KLHL20: variants seen among roughly 807,000 people sequenced by gnomAD.
KLHL20 encodes kelch-like protein 20.
KLHL20 carries 29 observed loss-of-function variants against 69.5 expected under a neutral mutation model. That is an observed-to-expected ratio of 0.42 (90% confidence interval 0.31 to 0.57). The LOEUF (loss-of-function observed/expected upper bound fraction) is 0.57. Ranked by LOEUF, KLHL20 falls within the 20% of genes least tolerant of loss-of-function variation. KLHL20 has a pLI of 0.18. For synonymous variants in KLHL20, 253 were observed against 265.2 expected (o/e 0.95, Z 0.45); for missense variants, 419 against 776.0 (o/e 0.54, Z 5.47).
intron 8 of KLHL20, among the ~76,000 whole-genome samples, chr1:173,766,875 GCTAA>G (rs1056910781): frequency 1.3e-4 from 20 of 152,232 alleles, no homozygotes; most frequent in African/African-American, 4.1e-4. Context: ...GCTAAATCAA[GCTAA>G]CTAACATATT....
chr1:173,751,744 TC>T lies in KLHL20; in HGVS notation c.598-19del, dbSNP rs1558203476. ...ATGTGATCACAGGATTTTTTTTTCT[TC>T]TTACCTAACTTTGAACAGGTAATGG... On this transcript the variant is annotated intron_variant, in intron 3 of 11. Transcript: ENST00000209884. The T allele has an allele frequency of 6.2e-7, 1 of 1,611,458 alleles. No individual in the cohort carries two copies. The highest frequency in any genetic ancestry group is 8.5e-7 in the Non-Finnish European group (1 of 1,178,264).
chr1:173,722,790 A>G (rs1671773947), intron 2 of KLHL20, among the ~76,000 whole-genome samples: 1 of 151,636 alleles, frequency 6.6e-6, no homozygotes, highest in African/African-American at 2.4e-5. Flanking sequence ...CCCAGGTTCA[A>G]GCAATTCTCC....
chr1:173,728,635 T>A (rs1007681004), intron 2 of KLHL20, among the ~76,000 whole-genome samples: 1 of 152,206 alleles, frequency 6.6e-6, no homozygotes, highest in Non-Finnish European at 1.5e-5. Flanking sequence ...AACCTGCTCC[T>A]GAATGACTAC....
chr1:173,723,549 C>T (rs920493680), intron 2 of KLHL20, among the ~76,000 whole-genome samples: 1 of 152,212 alleles, frequency 6.6e-6, no homozygotes, highest in African/African-American at 2.4e-5. Context: ...TCCTTTTACA[C>T]TTTAGTGTTT....
chr1:173,746,759 ATCT>A (rs1267917039), intron 3 of KLHL20, among the ~76,000 whole-genome samples: 1 of 151,706 alleles, frequency 6.6e-6, no homozygotes, highest in Non-Finnish European at 1.5e-5. Flanking sequence ...TACCTTTATT[ATCT>A]TCTTGCTTGT....
intron 3 of KLHL20, 143 bp downstream of exon 3, chr1:173,734,429 C>G (rs1672431754): frequency 2.6e-6 from 2 of 770,614 alleles, no homozygotes; most frequent in South Asian, 1.7e-5. Flanking sequence ...AATCCTAAAC[C>G]TGGCTTTTAT....
At chr1:173,783,905 G>A (rs1649038797) in intron 11 of KLHL20, among the ~76,000 whole-genome samples, 1 of 150,988 alleles carries the variant, frequency 6.6e-6, no homozygotes, top group East Asian at 1.9e-4. Flanking sequence ...CCGAGCCCTG[G>A]GGATACAAAA....
At position 173,785,326 on chromosome 1, in the gene KLHL20, A is replaced by G; in HGVS notation, c.*79A>G. 1.1e-6 allele frequency: 1 copy of G among 893,794 alleles called. No homozygotes were observed. The highest frequency in any genetic ancestry group is 2.1e-5 in the South Asian group (1 of 46,592). The allele number at this position is 893,794 out of a possible 1,614,324, so 55.4% of individuals were successfully genotyped here. ...CTTGGAGCTTTGTACAGCTTGAGAA[A>G]ACATTAGAACAAATTTTATTATTTG... On this transcript the variant is annotated 3_prime_UTR_variant, in exon 12 of 12. Coordinates refer to ENST00000209884, the MANE Select transcript of KLHL20 (RefSeq NM_014458.4).
At chr1:173,779,245 G>T (rs1648688095) in intron 10 of KLHL20, among the ~76,000 whole-genome samples, 1 of 151,798 alleles carries the variant, frequency 6.6e-6, no homozygotes, top group Admixed American at 6.6e-5. Flanking sequence ...CTGCTAATTT[G>T]ACACTAGAAA....
intron 2 of KLHL20, among the ~76,000 whole-genome samples, chr1:173,724,744 G>A (rs1233836377): frequency 6.6e-6 from 1 of 152,192 alleles, no homozygotes; most frequent in Non-Finnish European, 1.5e-5. Context: ...GGTCGAGGCT[G>A]TAGTAAGCCG....
intron 7 of KLHL20, among the ~76,000 whole-genome samples, chr1:173,761,042 G>A (rs1269505152): frequency 2.0e-5 from 3 of 152,074 alleles, no homozygotes; most frequent in Non-Finnish European, 4.4e-5. Flanking sequence ...GTGGAAAAAG[G>A]CATTTAATGC....
chr1:173,759,169 T>C (rs1673686722), intron 7 of KLHL20, among the ~76,000 whole-genome samples: 1 of 151,900 alleles, frequency 6.6e-6, no homozygotes, highest in Non-Finnish European at 1.5e-5. Flanking sequence ...TCTTCCTAGG[T>C]ACACAACTCA....
chr1:173,774,365 T>G lies in KLHL20; in HGVS notation c.1356T>G (p.Gly452=). ...RVASMSTRRL[G]VAVAVLGGFL... ...CTTCTATGAGTACCAGAAGACTAGG[T>G]GTGGCTGTGGCTGTGTTAGGAGGGT... The change falls in exon 9 of 12, where the codon GGT becomes GGG. Residue 452 remains glycine (G), a synonymous_variant. Coordinates refer to ENST00000209884, the MANE Select transcript of KLHL20 (RefSeq NM_014458.4). The G allele has an allele frequency of 1.2e-6, 2 of 1,614,032 alleles. No homozygotes were observed. Among genetic ancestry groups the G allele is most frequent in the Non-Finnish European group, 1.7e-6 (2 of 1,180,000 alleles).
chr1:173,775,521 C>T (rs72709402), intron 9 of KLHL20, 113 bp from the exon 10 acceptor site: 28,241 of 855,424 alleles, frequency 0.033, 615 homozygotes, highest in Non-Finnish European at 0.044. Flanking sequence ...AAGCAAAAAT[C>T]AGATCATGTG....
intron 3 of KLHL20, among the ~76,000 whole-genome samples, chr1:173,746,743 T>C (rs997049126): frequency 6.6e-6 from 1 of 152,104 alleles, no homozygotes; most frequent in African/African-American, 2.4e-5. Flanking sequence ...TATTTCATTC[T>C]GGTTTTACCT....
intron 2 of KLHL20, among the ~76,000 whole-genome samples, chr1:173,719,251 G>A (rs1671610120): frequency 1.3e-5 from 2 of 152,026 alleles, no homozygotes; most frequent in Non-Finnish European, 2.9e-5. Flanking sequence ...CAACTGTTTT[G>A]CTGTTACAAC....
rs944268072 is a variant in KLHL20, at chr1:173,775,940, T to G, written c.1638+98T>G. The G allele has an allele frequency of 9.6e-6, 10 of 1,036,880 alleles. No homozygotes were observed. The East Asian group carries it at 2.2e-4, about 23-fold the overall frequency. 64.2% of individuals were successfully genotyped at this position (1,036,880 alleles called of 1,614,324 possible). On this transcript the variant is annotated intron_variant, in intron 10 of 11. Transcript: ENST00000209884. ...CAGATATCTCTTCATTATACTGGTT[T>G]CCTTTCTTTGGGGTATATACCTAGC...
At chr1:173,719,427 A>G (rs1440084297) in intron 2 of KLHL20, among the ~76,000 whole-genome samples, 1 of 152,072 alleles carries the variant, frequency 6.6e-6, no homozygotes, top group Non-Finnish European at 1.5e-5. Flanking sequence ...CCTGGCCAAG[A>G]TGGTGAAACC....
At chr1:173,768,392 ACT>A (rs1045272701) in intron 8 of KLHL20, among the ~76,000 whole-genome samples, 19 of 152,232 alleles carry the variant, frequency 1.2e-4, no homozygotes, top group African/African-American at 4.3e-4. Flanking sequence ...ATGAGTCATG[ACT>A]CTAAAATTTT....
Sources: gnomAD v4.1 joint callset for allele counts (sites outside exome capture counted in the v4.1 genomes callset) on GRCh38, gnomAD v4.1.1 for gene constraint, MANE v1.5 for transcripts, NCBI Gene and HGNC (gene_info 2026-07-23, HGNC 2026-07-21) for gene names.